TTC1: variants seen among roughly 807,000 people sequenced by gnomAD.
TTC1 encodes the protein tetratricopeptide repeat protein 1.
A neutral mutation model predicts 37.6 loss-of-function variants in TTC1; 31 were observed. That is an observed-to-expected ratio of 0.82 (90% confidence interval 0.62 to 1.11). The LOEUF is 1.11. Among genes scored for constraint, TTC1 ranks in the 50% most tolerant of loss-of-function variants. The pLI is 0.00. For synonymous variants in TTC1, 127 were observed against 122.4 expected, an observed-to-expected ratio of 1.04 and a Z score of -0.25; for missense variants, 351 against 339.0, an observed-to-expected ratio of 1.04 and a Z score of -0.28.
chr5:160,045,520 A>ACACACTCTCTCTCT (rs1202139318), intron 5 of TTC1, among the ~76,000 whole-genome samples: 2 of 54,880 alleles, frequency 3.6e-5, no homozygotes, highest in Non-Finnish European at 6.5e-5. Context: ...ACACATACAC[A>ACACACTCTCTCTCT]CTCTCTCTCT....
intron 2 of TTC1, among the ~76,000 whole-genome samples, chr5:160,014,516 T>A (rs542079449): frequency 1.4e-3 from 210 of 151,114 alleles, no homozygotes; most frequent in African/African-American, 4.9e-3. Context: ...AAAAAAAATT[T>A]TTTTTTAATT....
chr5:160,023,294 C>CTT (rs774203414), intron 2 of TTC1, among the ~76,000 whole-genome samples: 2 of 132,398 alleles, frequency 1.5e-5, no homozygotes, highest in Admixed American at 7.5e-5. Flanking sequence ...GGTTTTCTTT[C>CTT]TTTTTTTTTT....
At chr5:160,048,203 A>C (rs1040647123) in intron 5 of TTC1, among the ~76,000 whole-genome samples, 6 of 129,156 alleles carry the variant, frequency 4.6e-5, no homozygotes, top group Non-Finnish European at 9.2e-5. Context: ...GCTGGAGTAC[A>C]GTGATGCAAT....
At chr5:160,049,924 A>G in intron 6 of TTC1, among the ~76,000 whole-genome samples, 1 of 152,000 alleles carries the variant, frequency 6.6e-6, no homozygotes, top group Non-Finnish European at 1.5e-5. Flanking sequence ...CTAAAAATAC[A>G]AAAAATTAGC....
chr5:160,014,507 A>AT (rs1243981958), intron 2 of TTC1, among the ~76,000 whole-genome samples: 1 of 151,980 alleles, frequency 6.6e-6, no homozygotes, highest in Non-Finnish European at 1.5e-5. Context: ...TTCCAAAAAA[A>AT]AAAAAATTTT....
At chr5:160,064,289 T>C (rs1753532024) in intron 7 of TTC1, among the ~76,000 whole-genome samples, 1 of 152,130 alleles carries the variant, frequency 6.6e-6, no homozygotes, top group Non-Finnish European at 1.5e-5. Context: ...ACCCAAGTCG[T>C]GTAAATAAAG....
At chr5:160,021,532 C>A (rs1373268816) in intron 2 of TTC1, among the ~76,000 whole-genome samples, 2 of 152,136 alleles carry the variant, frequency 1.3e-5, no homozygotes, top group Non-Finnish European at 2.9e-5. Context: ...AGATTAATTC[C>A]TCATAGATCA....
Position 160,045,512 on chromosome 5 carries a change from ACATACACACTCTCTCT to A in TTC1, c.541+2345_541+2360del, listed in dbSNP as rs1270308117. On this transcript the variant is annotated intron_variant, in intron 5 of 7. Transcript: ENST00000231238. ...CACACACACACACACACACACACAC[ACATACACACTCTCTCT>A]CTCTCTCTCTCTCTCTCTCTCTCTC... Among the ~76,000 whole-genome samples, 29 of 42,836 alleles carry A rather than the reference ACATACACACTCTCTCT, an allele frequency of 6.8e-4. 1 individual carries two copies. The highest frequency in any genetic ancestry group is 3.4e-3 in the African/African-American group (28 of 8,302). The allele number at this position is 42,836 out of a possible 152,430, so 28.1% of individuals were successfully genotyped here.
rs117105128 is a variant in TTC1, at chr5:160,032,285, A to G, written c.331-2855A>G. Among the ~76,000 whole-genome samples the G allele has an allele frequency of 1.4e-3, 217 of 152,352 alleles. 10 individuals are homozygous for G. The East Asian group carries it at 0.04, about 28-fold the overall frequency. Reference sequence around the variant, plus strand: ...AGAAAATAGCTTAAGATTTACAGTCAATGCTAAAGAAATTGAAAACTCTTA... The same window carrying G: ...AGAAAATAGCTTAAGATTTACAGTCGATGCTAAAGAAATTGAAAACTCTTA... On this transcript the variant is annotated intron_variant, in intron 2 of 7. Coordinates refer to ENST00000231238, the MANE Select transcript of TTC1 (RefSeq NM_003314.3).
rs77756049 is a variant in TTC1 at position 160,047,797 on chromosome 5, C to G, written c.542-1717C>G. On this transcript the variant is annotated intron_variant, in intron 5 of 7. Coordinates refer to ENST00000231238, the MANE Select transcript of TTC1 (RefSeq NM_003314.3). ...CCTCCTTAGCCTTTCACATGGCTGG[C>G]CTCTCTCACATAGTCCCTCTTCATA... Among the ~76,000 whole-genome samples, 205 of 152,278 alleles carry G rather than the reference C, an allele frequency of 1.3e-3. 7 individuals are homozygous for G. The East Asian group carries it at 0.038, about 28-fold the overall frequency.
At chr5:160,063,645 C>G (rs1753501013) in intron 7 of TTC1, 1 of 152,180 alleles carries the variant, frequency 6.6e-6, no homozygotes, top group Non-Finnish European at 1.5e-5. Flanking sequence ...TTTCGTCCAC[C>G]CCCATTCTCA....
intron 5 of TTC1, among the ~76,000 whole-genome samples, chr5:160,043,471 C>T (rs947222214): frequency 2.6e-5 from 4 of 152,102 alleles, no homozygotes; most frequent in African/African-American, 9.7e-5. Context: ...GTGGCATGCC[C>T]CTGTAGTCCC....
chr5:160,012,827 G>A (rs997835145), intron 2 of TTC1, among the ~76,000 whole-genome samples: 1 of 152,094 alleles, frequency 6.6e-6, no homozygotes, highest in Non-Finnish European at 1.5e-5. Flanking sequence ...GTATACACCT[G>A]CATAGTTCAC....
chr5:160,054,777 G>A lies in TTC1; in HGVS notation c.745+3594G>A, dbSNP rs73309380. 4.9e-3 allele frequency among the ~76,000 whole-genome samples: 752 copies of A among 152,092 alleles called. 6 individuals carry two copies. The highest frequency in any genetic ancestry group is 0.017 in the African/African-American group (721 of 41,494). On this transcript the variant is annotated intron_variant, in intron 7 of 7. Coordinates refer to ENST00000231238, the MANE Select transcript of TTC1 (RefSeq NM_003314.3). ...AAGTCAGGTTTCATATGGCAGACAC[G>A]GCCTTTATGAGTATATCTAAGCCTT...
intron 7 of TTC1, among the ~76,000 whole-genome samples, chr5:160,052,348 TAGTC>T (rs1258025828): frequency 6.6e-6 from 1 of 151,816 alleles, no homozygotes; most frequent in African/African-American, 2.4e-5. Flanking sequence ...CACAAAAAAT[TAGTC>T]AGGCATGGTG....
At chr5:160,013,658 G>A (rs547340271) in intron 2 of TTC1, among the ~76,000 whole-genome samples, 24 of 151,212 alleles carry the variant, frequency 1.6e-4, no homozygotes, top group Admixed American at 5.3e-4. Flanking sequence ...CAGGAGAATC[G>A]CTTGAACCTG....
At chr5:160,010,402 GT>G in intron 1 of TTC1, 97 bp from the exon 2 acceptor site, 2 of 668,908 alleles carry the variant, frequency 3.0e-6, no homozygotes, top group Admixed American at 3.0e-5. Context: ...ATTACGGTGT[GT>G]TTTTTGGCTG....
At chr5:160,048,978 C>G (rs1757330870) in intron 5 of TTC1, among the ~76,000 whole-genome samples, 1 of 151,942 alleles carries the variant, frequency 6.6e-6, no homozygotes, top group South Asian at 2.1e-4. Flanking sequence ...CTCACTCTTT[C>G]ACTGCGCACT....
chr5:160,055,703 C>T lies in TTC1; in HGVS notation c.745+4520C>T, dbSNP rs114286199. Among the ~76,000 whole-genome samples the T allele has an allele frequency of 4.9e-3, 739 of 152,224 alleles. 5 individuals are homozygous for T. Among genetic ancestry groups the T allele is most frequent in the Non-Finnish European group, 7.4e-3 (503 of 68,024 alleles). On this transcript the variant is annotated intron_variant, in intron 7 of 7. Transcript: ENST00000231238. Reference sequence around the variant, plus strand: ...TTAATGACCCTGATGAGTTGAGAGACGGAGTATAGAGGCAGCTCAGGTGAG... The same window carrying T: ...TTAATGACCCTGATGAGTTGAGAGATGGAGTATAGAGGCAGCTCAGGTGAG...
Sources: gnomAD v4.1 joint callset for allele counts (sites outside exome capture counted in the v4.1 genomes callset) on GRCh38, gnomAD v4.1.1 for gene constraint, MANE v1.5 for transcripts, NCBI Gene and HGNC (gene_info 2026-07-23, HGNC 2026-07-21) for gene names.